VPS13A: variants seen among roughly 807,000 people sequenced by gnomAD.
The protein encoded by VPS13A is intermembrane lipid transfer protein VPS13A.
VPS13A carries 264 observed loss-of-function variants against 390.9 expected under a neutral mutation model. The ratio of observed to expected loss-of-function variants is 0.68; its 90% CI spans 0.61 to 0.75. VPS13A has a LOEUF of 0.75. VPS13A is among the 30% of genes least tolerant of loss of function. The pLI is 0.00. For synonymous variants in VPS13A, 1,231 were observed against 1,227.1 expected (o/e 1.00, Z -0.07); for missense variants, 3,409 against 3,733.9 (o/e 0.91, Z 2.27).
intron 39 of VPS13A, among the ~76,000 whole-genome samples, chr9:77,317,349 G>T (rs923186175): frequency 2.0e-5 from 3 of 151,798 alleles, no homozygotes; most frequent in African/African-American, 4.8e-5. Context: ...CTTCAGTAAA[G>T]GTTGGAGACT....
At chr9:77,311,605 A>G (rs12352849) in intron 35 of VPS13A, among the ~76,000 whole-genome samples, 6,226 of 152,296 alleles carry the variant, frequency 0.041, 211 homozygotes, top group African/African-American at 0.092. Context: ...GAACTAAAGA[A>G]GAAAATACAC....
chr9:77,395,718 CA>C (rs1183843451), intron 68 of VPS13A: 1 of 151,970 alleles, frequency 6.6e-6, no homozygotes, highest in East Asian at 1.9e-4. Context: ...AGATGAATAC[CA>C]GTTTATGCAA....
At chr9:77,359,428 A>G (rs1221134078) in intron 58 of VPS13A, 26 bp downstream of exon 58, 3 of 1,559,824 alleles carry the variant, frequency 1.9e-6, no homozygotes, top group Non-Finnish European at 2.6e-6. Flanking sequence ...CATTTCTTGT[A>G]TATTTATTTA....
In VPS13A at chr9:77,205,225, C is replaced by CT. The variant is rs75101662; in HGVS notation, c.188-88_188-87insT. The CT allele has an allele frequency of 0.55, 364,449 of 664,080 alleles. 102,179 individuals carry two copies. Among genetic ancestry groups the CT allele is most frequent in the East Asian group, 0.68 (23,080 of 33,990 alleles). 41.1% of individuals were successfully genotyped at this position (664,080 alleles called of 1,614,324 possible). A position where few individuals can be genotyped will look rare whatever the true frequency, so the allele number is the denominator to read the frequency against. Reference sequence around the variant, plus strand: ...GACAAAGGCCACTTTATTATCTCTTCAATGCCTGACAGAAAATAGACTAAC... The same window carrying CT: ...GACAAAGGCCACTTTATTATCTCTTCTAATGCCTGACAGAAAATAGACTAAC... On this transcript the variant is annotated intron_variant, in intron 3 of 71. Transcript: ENST00000360280.
chr9:77,377,221 T>TTTTGG (rs1563974694), intron 67 of VPS13A, among the ~76,000 whole-genome samples: 16 of 136,610 alleles, frequency 1.2e-4, no homozygotes, highest in Admixed American at 4.4e-4. Context: ...TTTTTTTTTT[T>TTTTGG]TTTTTTTTTG....
intron 68 of VPS13A, among the ~76,000 whole-genome samples, chr9:77,397,463 A>G (rs192048811): frequency 2.0e-4 from 30 of 152,204 alleles, no homozygotes; most frequent in Non-Finnish European, 4.0e-4. Flanking sequence ...CCTATTAATG[A>G]TTAACACATT....
intron 9 of VPS13A, 44 bp from the exon 10 acceptor site, chr9:77,214,283 GAC>G (rs1822724006): frequency 2.6e-6 from 4 of 1,556,758 alleles, no homozygotes; most frequent in Non-Finnish European, 3.5e-6. Context: ...CTCAAAAAAA[GAC>G]ATATTGGCAT....
chr9:77,272,380 A>G (rs1378774481), intron 23 of VPS13A, among the ~76,000 whole-genome samples: 1 of 152,186 alleles, frequency 6.6e-6, no homozygotes, highest in Non-Finnish European at 1.5e-5. Flanking sequence ...ACAAGCACCT[A>G]TGGGCATATC....
intron 31 of VPS13A, among the ~76,000 whole-genome samples, chr9:77,290,470 T>C (rs1400309693): frequency 6.6e-6 from 1 of 152,104 alleles, no homozygotes; most frequent in African/African-American, 2.4e-5. Context: ...TTCAAATAGT[T>C]TCTTTGCCTC....
chr9:77,285,532 A>G (rs1413866656), intron 31 of VPS13A, among the ~76,000 whole-genome samples: 1 of 152,226 alleles, frequency 6.6e-6, no homozygotes, highest in Admixed American at 6.5e-5. Context: ...GTAAAGGCTT[A>G]AAAAAATCCA....
At position 77,350,074 on chromosome 9, in the gene VPS13A, G is replaced by A. The variant is rs1195492699; in HGVS notation, c.7290-1243G>A. ...TTTTGGAAAATACATATTCTGTTTC[G>A]GTTATGGATAATTCCTTTTTTGTTA... is the stretch of plus-strand genomic sequence containing the variant. On this transcript the variant is annotated intron_variant, in intron 52 of 71. Transcript: ENST00000360280. Among the ~76,000 whole-genome samples, 4 of 151,714 alleles carry A rather than the reference G, an allele frequency of 2.6e-5. No homozygotes were observed. In the East Asian group the frequency reaches 5.8e-4, roughly 22 times the overall value.
rs1288623284 is a variant in VPS13A at position 77,420,169 on chromosome 9, G to A, written c.*4163G>A. 3 of 152,116 alleles carry A rather than the reference G, an allele frequency of 2.0e-5. No homozygotes were observed. Among genetic ancestry groups the A allele is most frequent in the Non-Finnish European group, 2.9e-5 (2 of 68,006 alleles). 9.4% of individuals were successfully genotyped at this position (152,116 alleles called of 1,614,324 possible). On this transcript the variant is annotated 3_prime_UTR_variant, in exon 72 of 72. Transcript: ENST00000360280. ...TGGCAACCTAATCAAGCTAGGATTT[G>A]TCGGTTAAAATTTTGATTCTTGTAA...
chr9:77,183,647 T>TA (rs1375132062), intron 1 of VPS13A, among the ~76,000 whole-genome samples: 1 of 152,216 alleles, frequency 6.6e-6, no homozygotes, highest in Non-Finnish European at 1.5e-5. Flanking sequence ...TGTAAAATGT[T>TA]AAACAACTTG....
rs143449578 is a variant in VPS13A, at chr9:77,321,510, C to T, written c.5594C>T (p.Thr1865Ile). Residue 1865 changes from threonine (T) to isoleucine (I), a missense_variant, in exon 44 of 72, where the codon ACT becomes ATT. Coordinates refer to ENST00000360280, the MANE Select transcript of VPS13A (RefSeq NM_033305.3). Reference protein sequence around the residue: ...NLVKAFTEAATGSSADFVKDL... With the variant: ...NLVKAFTEAAIGSSADFVKDL... Reference sequence around the variant, plus strand: ...TATTAGGCATTTACAGAAGCTGCCACTGGATCTTCAGCTGACTTCGTAAAG... The same window carrying T: ...TATTAGGCATTTACAGAAGCTGCCATTGGATCTTCAGCTGACTTCGTAAAG... 2.2e-4 allele frequency: 356 copies of T among 1,613,448 alleles called. No homozygotes were observed. In the East Asian group the frequency reaches 7.1e-3, roughly 32 times the overall value.
rs902852431 is a variant in VPS13A, at chr9:77,418,899, A to T, written c.*2893A>T. ...CTCTGGTAAAAAGAAAGATTAAATTAAAAGGACTCTACACAGTGCTGAATT... is the reference window on the plus strand; with the variant it reads ...CTCTGGTAAAAAGAAAGATTAAATTTAAAGGACTCTACACAGTGCTGAATT... On this transcript the variant is annotated 3_prime_UTR_variant, in exon 72 of 72. Transcript: ENST00000360280. 4 of 152,218 alleles carry T rather than the reference A, an allele frequency of 2.6e-5. No individual in the cohort carries two copies. The highest frequency in any genetic ancestry group is 4.4e-5 in the Non-Finnish European group (3 of 68,044). 9.4% of individuals were successfully genotyped at this position (152,218 alleles called of 1,614,324 possible).
chr9:77,185,799 C>T (rs1410394449), intron 1 of VPS13A, among the ~76,000 whole-genome samples: 1 of 152,116 alleles, frequency 6.6e-6, no homozygotes, highest in East Asian at 1.9e-4. Flanking sequence ...ACAGTTTGTG[C>T]TGTTCACTTA....
chr9:77,246,217 CAGAA>C (rs1824798746), intron 19 of VPS13A, among the ~76,000 whole-genome samples: 1 of 152,118 alleles, frequency 6.6e-6, no homozygotes, highest in Non-Finnish European at 1.5e-5. Flanking sequence ...ATATTTAAAA[CAGAA>C]GGTATTTTAA....
chr9:77,344,805 A>G (rs1831058608), intron 51 of VPS13A, among the ~76,000 whole-genome samples: 2 of 152,158 alleles, frequency 1.3e-5, no homozygotes, highest in South Asian at 4.1e-4. Flanking sequence ...ATACTAGAAT[A>G]TACCACATCT....
rs17063567 is a variant in VPS13A, at chr9:77,366,416, C to G, written c.8326-311C>G. 0.012 allele frequency among the ~76,000 whole-genome samples: 1,818 copies of G among 152,046 alleles called. 36 individuals carry two copies. The highest frequency in any genetic ancestry group is 0.042 in the African/African-American group (1,735 of 41,514). On this transcript the variant is annotated intron_variant, in intron 60 of 71. Coordinates refer to ENST00000360280, the MANE Select transcript of VPS13A (RefSeq NM_033305.3). Reference sequence around the variant, plus strand: ...GGACCATATGTATTTGAGTCATTTTCAACAGCTTCAACTTTTAGATTTTTA... The same window carrying G: ...GGACCATATGTATTTGAGTCATTTTGAACAGCTTCAACTTTTAGATTTTTA...
Sources: gnomAD v4.1 joint callset for allele counts (sites outside exome capture counted in the v4.1 genomes callset) on GRCh38, gnomAD v4.1.1 for gene constraint, MANE v1.5 for transcripts, NCBI Gene and HGNC (gene_info 2026-07-23, HGNC 2026-07-21) for gene names.